MAP2: variants seen among roughly 807,000 people sequenced by gnomAD.
MAP2 encodes the protein microtubule associated protein 2.
Under a neutral mutation model 137.6 loss-of-function variants are expected in MAP2, and 14 were observed. The observed-to-expected ratio is 0.10, with a 90% CI of 0.07 to 0.16. MAP2 has a LOEUF of 0.16. Ranked by LOEUF, MAP2 falls within the 10% of genes least tolerant of loss-of-function variation. The probability of loss-of-function intolerance (pLI) is 1.00; values close to 1 mark genes in which losing one functional copy is unlikely to be tolerated. For missense variants in MAP2, 2,088 were observed against 2,191.5 expected, an observed-to-expected ratio of 0.95 and a Z score of 0.94; for synonymous variants, 786 against 782.3, an observed-to-expected ratio of 1.00 and a Z score of -0.08.
chr2:209,700,205 C>G, intron 10 of MAP2, 72 bp from the exon 11 acceptor site: 1 of 1,200,704 alleles, frequency 8.3e-7, no homozygotes, highest in South Asian at 1.2e-5. Flanking sequence ...GAATATCCTA[C>G]AGGTATTTAA....
In MAP2 at chr2:209,694,142, A is replaced by C. The variant is rs759538434; in HGVS notation, c.1972A>C (p.Arg658=). 4 of 1,614,136 alleles carry C rather than the reference A, an allele frequency of 2.5e-6. No homozygotes were observed. The highest frequency in any genetic ancestry group is 3.4e-6 in the Non-Finnish European group (4 of 1,180,006). ...TGAAGAACCCAGTTCTCCTCAAGAAAGAATGTTCACTATTGATCCAAAAGT... is the reference window on the plus strand; with the variant it reads ...TGAAGAACCCAGTTCTCCTCAAGAACGAATGTTCACTATTGATCCAAAAGT... ...LPEEPSSPQE[R]MFTIDPKVYG... The change falls in exon 8 of 16, where the codon AGA becomes CGA. Residue 658 remains arginine (R), a synonymous_variant. Transcript: ENST00000682079.
chr2:209,638,236 G>A (rs1414099885), intron 4 of MAP2, among the ~76,000 whole-genome samples: 1 of 152,042 alleles, frequency 6.6e-6, no homozygotes, highest in African/African-American at 2.4e-5. Context: ...TCACTCTGGG[G>A]CACACTAAGA....
chr2:209,590,910 A>G (rs1240425944), intron 3 of MAP2, among the ~76,000 whole-genome samples: 1 of 152,148 alleles, frequency 6.6e-6, no homozygotes, highest in Non-Finnish European at 1.5e-5. Flanking sequence ...TCATTATTAC[A>G]ATTAGAATTA....
chr2:209,689,778 T>A (rs1433985279), intron 7 of MAP2, among the ~76,000 whole-genome samples: 1 of 152,204 alleles, frequency 6.6e-6, no homozygotes, highest in Admixed American at 6.5e-5. Flanking sequence ...ATGAACTACA[T>A]TACTGATATT....
At chr2:209,584,109 T>C (rs1241945752) in intron 3 of MAP2, among the ~76,000 whole-genome samples, 6 of 152,152 alleles carry the variant, frequency 3.9e-5, no homozygotes, top group Non-Finnish European at 7.4e-5. Flanking sequence ...GATTTCATTC[T>C]TTTTATGGCT....
chr2:209,583,183 ATCTG>A (rs1553604273), intron 3 of MAP2, among the ~76,000 whole-genome samples: 12 of 151,526 alleles, frequency 7.9e-5, no homozygotes, highest in African/African-American at 2.9e-4. Context: ...CTATCTATCT[ATCTG>A]TCTATCCTAT....
chr2:209,433,526 A>T (rs890854617), intron 1 of MAP2, among the ~76,000 whole-genome samples: 2 of 152,084 alleles, frequency 1.3e-5, no homozygotes, highest in Non-Finnish European at 2.9e-5. Context: ...TCTTTTATTT[A>T]ACTTGCACTG....
In MAP2 at chr2:209,696,122, G is replaced by A. The variant is rs747911520; in HGVS notation, c.3952G>A (p.Glu1318Lys). 2.5e-5 allele frequency: 40 copies of A among 1,613,522 alleles called. No individual in the cohort carries two copies. Among genetic ancestry groups the A allele is most frequent in the Non-Finnish European group, 3.4e-5 (40 of 1,179,808 alleles). ...GCGTTTTGCAGCCCTAGAGCAGCCT[G>A]AGGTGGAAAGGAGACCATCTCCTCA... ...SVRFAALEQP[E>K]VERRPSPHDE... is the part of the protein sequence containing the mutation. The change falls in exon 8 of 16, where the codon GAG becomes AAG. Residue 1318 changes from glutamate (E) to lysine (K), a missense_variant. By Grantham distance (56) the Glu-to-Lys change is moderately conservative. This residue lies in a region of MAP2 where 591 missense variants were observed against 642.6 expected (regional missense o/e 0.92). Coordinates refer to ENST00000682079, the MANE Select transcript of MAP2 (RefSeq NM_001375505.1).
intron 4 of MAP2, among the ~76,000 whole-genome samples, chr2:209,634,260 C>T (rs747669725): frequency 6.6e-6 from 1 of 152,128 alleles, no homozygotes; most frequent in Non-Finnish European, 1.5e-5. Flanking sequence ...TTAGTCTCAT[C>T]GATTTTTTGG....
At chr2:209,564,586 A>T (rs963842410) in intron 2 of MAP2, among the ~76,000 whole-genome samples, 1 of 149,120 alleles carries the variant, frequency 6.7e-6, no homozygotes, top group Non-Finnish European at 1.5e-5. Context: ...AAAAAAAACC[A>T]AAAGCCAGGG....
chr2:209,657,945 C>A (rs1390894075), intron 5 of MAP2, among the ~76,000 whole-genome samples: 1 of 152,092 alleles, frequency 6.6e-6, no homozygotes, highest in African/African-American at 2.4e-5. Flanking sequence ...TTTTCCAAAG[C>A]GTAAATAATA....
At chr2:209,725,590 G>T (rs1331803591) in intron 13 of MAP2, 119 bp from the exon 14 acceptor site, 1 of 491,448 alleles carries the variant, frequency 2.0e-6, no homozygotes, top group East Asian at 3.4e-5. Context: ...CTTCAATTTG[G>T]GTTTCTAGCT....
At chr2:209,499,132 T>C (rs1235454259) in intron 1 of MAP2, among the ~76,000 whole-genome samples, 2 of 152,180 alleles carry the variant, frequency 1.3e-5, no homozygotes, top group Non-Finnish European at 2.9e-5. Flanking sequence ...CTTCTGAGTG[T>C]AGGTTATTAG....
intron 11 of MAP2, among the ~76,000 whole-genome samples, chr2:209,702,735 G>T (rs1457049742): frequency 6.6e-6 from 1 of 151,694 alleles, no homozygotes. Context: ...TTGTGGGTAG[G>T]ATCAATAAAA....
chr2:209,673,940 A>T (rs563054458), intron 5 of MAP2, among the ~76,000 whole-genome samples: 3 of 151,968 alleles, frequency 2.0e-5, no homozygotes, highest in Admixed American at 2.0e-4. Context: ...AGACAGGATT[A>T]TCATACCTTT....
intron 3 of MAP2, among the ~76,000 whole-genome samples, chr2:209,608,986 C>T (rs1010341506): frequency 1.3e-5 from 2 of 152,028 alleles, no homozygotes; most frequent in East Asian, 1.9e-4. Flanking sequence ...AATATATTCT[C>T]TGATTCACAT....
intron 3 of MAP2, among the ~76,000 whole-genome samples, chr2:209,606,124 C>G (rs1194199790): frequency 1.3e-5 from 2 of 152,168 alleles, no homozygotes; most frequent in African/African-American, 4.8e-5. Flanking sequence ...TAATCTTCCT[C>G]ACTCAAAATC....
Position 209,694,769 on chromosome 2 carries a change from C to T in MAP2, c.2599C>T (p.Leu867=). 1.2e-6 allele frequency: 2 copies of T among 1,614,188 alleles called. No homozygotes were observed. Among genetic ancestry groups the T allele is most frequent in the Non-Finnish European group, 8.5e-7 (1 of 1,180,032 alleles). ...AAAAACGGACAGTCAGCTCGAAGAC[C>T]TGGGCTACTGTGTGTTCAATAAGTA... is the stretch of plus-strand genomic sequence containing the variant. The part of the protein sequence containing the change: ...IVKTDSQLED[L]GYCVFNKYTV... Residue 867 remains leucine (L), a synonymous_variant, in exon 8 of 16, where the codon CTG becomes TTG. Transcript: ENST00000682079.
At chr2:209,631,533 G>A (rs561742638) in intron 4 of MAP2, among the ~76,000 whole-genome samples, 122 of 151,918 alleles carry the variant, frequency 8.0e-4, no homozygotes, top group African/African-American at 2.8e-3. Flanking sequence ...TGGTATGTTT[G>A]GCCGGTTCCC....
Sources: gnomAD v4.1 joint callset for allele counts (sites outside exome capture counted in the v4.1 genomes callset) on GRCh38, gnomAD v4.1.1 for gene constraint, gnomAD v4.1.1 regional missense constraint, MANE v1.5 for transcripts, NCBI Gene and HGNC (gene_info 2026-07-23, HGNC 2026-07-21) for gene names.